The following ITGBL1 variants were observed in gnomAD, a reference collection of about 807,000 sequenced individuals.
ITGBL1 encodes the protein integrin beta-like protein 1.
ITGBL1 carries 51 observed loss-of-function variants against 68.5 expected under a neutral mutation model. That is an observed-to-expected ratio of 0.74 (90% CI 0.59 to 0.94). The LOEUF is 0.94. ITGBL1 is among the 40% of genes least tolerant of loss of function. The pLI is 0.00. For synonymous variants in ITGBL1, 209 were observed against 227.3 expected (o/e 0.92, Z 0.72); for missense variants, 649 against 647.4 (o/e 1.00, Z -0.03).
At chr13:101,682,643 GTTCATTT>G (rs1268141596) in intron 7 of ITGBL1, among the ~76,000 whole-genome samples, 2 of 151,602 alleles carry the variant, frequency 1.3e-5, no homozygotes, top group Admixed American at 6.6e-5. Context: ...TTTGCCCTCA[GTTCATTT>G]TTCTTTTGCT....
At chr13:101,654,106 A>G (rs1471013289) in intron 7 of ITGBL1, among the ~76,000 whole-genome samples, 4 of 152,082 alleles carry the variant, frequency 2.6e-5, no homozygotes, top group Non-Finnish European at 5.9e-5. Context: ...AGTAACAACA[A>G]ATAAAAAATG....
intron 2 of ITGBL1, among the ~76,000 whole-genome samples, chr13:101,456,125 A>G (rs1249957217): frequency 6.6e-6 from 1 of 152,196 alleles, no homozygotes. Flanking sequence ...TTGATACGAA[A>G]TGCAGGACTG....
downstream of ITGBL1, chr13:101,716,967 C>G (rs1426403343): frequency 6.6e-6 from 1 of 151,790 alleles, no homozygotes; most frequent in Non-Finnish European, 1.5e-5. Context: ...GGTAAATCTA[C>G]TTATACACAT....
At chr13:101,583,077 C>T in intron 5 of ITGBL1, 139 bp from the exon 6 acceptor site, 3 of 754,808 alleles carry the variant, frequency 4.0e-6, no homozygotes, top group Non-Finnish European at 6.5e-6. Context: ...TGGTGTTTTT[C>T]CTTTTTAGAA....
chr13:101,554,547 A>G (rs1231004887), intron 2 of ITGBL1, among the ~76,000 whole-genome samples: 10 of 152,126 alleles, frequency 6.6e-5, no homozygotes. Flanking sequence ...TGAAGCAATT[A>G]TGGTTGTTCT....
intron 2 of ITGBL1, among the ~76,000 whole-genome samples, chr13:101,512,328 C>G (rs9585718): frequency 0.37 from 55,812 of 151,974 alleles, 10,873 homozygotes; most frequent in Non-Finnish European, 0.44. Context: ...AGGCCACTCA[C>G]CATCCAGGAA....
chr13:101,517,222 G>C (rs114551342), intron 2 of ITGBL1, among the ~76,000 whole-genome samples: 1 of 152,190 alleles, frequency 6.6e-6, no homozygotes, highest in Non-Finnish European at 1.5e-5. Context: ...AGACAGTGGC[G>C]AGCGAGAGGA....
chr13:101,668,247 G>A (rs2033271463), intron 7 of ITGBL1, among the ~76,000 whole-genome samples: 1 of 152,106 alleles, frequency 6.6e-6, no homozygotes, highest in South Asian at 2.1e-4. Context: ...AATTAGCCAA[G>A]CATGGTGGTG....
intron 3 of ITGBL1, among the ~76,000 whole-genome samples, chr13:101,570,496 A>G (rs958384113): frequency 2.0e-5 from 3 of 152,114 alleles, no homozygotes; most frequent in African/African-American, 7.2e-5. Flanking sequence ...ACTGGAGGGT[A>G]TTTGCTTCTT....
chr13:101,540,646 G>C (rs1450540740), intron 2 of ITGBL1, among the ~76,000 whole-genome samples: 1 of 152,190 alleles, frequency 6.6e-6, no homozygotes, highest in Non-Finnish European at 1.5e-5. Flanking sequence ...ACTTTGGGCA[G>C]TATGGCCATT....
chr13:101,491,714 T>G (rs911425654), intron 2 of ITGBL1, among the ~76,000 whole-genome samples: 3 of 152,168 alleles, frequency 2.0e-5, no homozygotes, highest in Non-Finnish European at 4.4e-5. Flanking sequence ...CCATGGTGGT[T>G]TGCTGCACCC....
chr13:101,485,562 T>C (rs1419312632), intron 2 of ITGBL1, among the ~76,000 whole-genome samples: 1 of 152,160 alleles, frequency 6.6e-6, no homozygotes, highest in Non-Finnish European at 1.5e-5. Flanking sequence ...CTCAGCACTT[T>C]GGGAGACCGA....
At chr13:101,602,489 CAAGAA>C (rs2030443768) in intron 7 of ITGBL1, among the ~76,000 whole-genome samples, 2 of 151,894 alleles carry the variant, frequency 1.3e-5, no homozygotes, top group South Asian at 4.1e-4. Context: ...CAATTTTGTT[CAAGAA>C]AGGAAACAAA....
At chr13:101,613,670 A>T (rs2031233410) in intron 7 of ITGBL1, among the ~76,000 whole-genome samples, 1 of 152,128 alleles carries the variant, frequency 6.6e-6, no homozygotes, top group African/African-American at 2.4e-5. Context: ...AAGGAGATGT[A>T]AGTCAGGTGG....
At chr13:101,472,012 TAATC>T (rs58136746) in intron 2 of ITGBL1, among the ~76,000 whole-genome samples, 81,381 of 151,520 alleles carry the variant, frequency 0.54, 22,559 homozygotes, top group Non-Finnish European at 0.6. Flanking sequence ...ATAACCATAT[TAATC>T]AATTACATAG....
chr13:101,481,395 A>G (rs981272280), intron 2 of ITGBL1, among the ~76,000 whole-genome samples: 3 of 152,088 alleles, frequency 2.0e-5, no homozygotes, highest in East Asian at 1.9e-4. Context: ...GTGGGTGGCT[A>G]TAGGAAGAAA....
intron 7 of ITGBL1, among the ~76,000 whole-genome samples, chr13:101,611,992 A>G (rs2031150796): frequency 6.6e-6 from 1 of 152,130 alleles, no homozygotes; most frequent in Non-Finnish European, 1.5e-5. Context: ...TCTGCTTGGG[A>G]TTCAAACTAA....
chr13:101,698,536 C>T (rs1201989142), intron 8 of ITGBL1, among the ~76,000 whole-genome samples: 6 of 152,120 alleles, frequency 3.9e-5, no homozygotes, highest in Non-Finnish European at 2.9e-5. Context: ...GAAGTGAGAT[C>T]GTTCTTCATT....
intron 7 of ITGBL1, among the ~76,000 whole-genome samples, chr13:101,626,654 T>G (rs1284557361): frequency 1.3e-5 from 2 of 152,206 alleles, no homozygotes; most frequent in Non-Finnish European, 2.9e-5. Flanking sequence ...AATGAAGGAT[T>G]TGAATTTAAA....
Sources: gnomAD v4.1 joint callset for allele counts (sites outside exome capture counted in the v4.1 genomes callset) on GRCh38, gnomAD v4.1.1 for gene constraint, MANE v1.5 for transcripts, NCBI Gene and HGNC (gene_info 2026-07-23, HGNC 2026-07-21) for gene names.